The following CKMT1B variants were observed in gnomAD, a reference collection of about 807,000 sequenced individuals.
The protein encoded by CKMT1B is creatine kinase, mitochondrial 1B.
In CKMT1B, 13 loss-of-function variants were observed where a neutral mutation model predicts 21.8. The observed-to-expected ratio is 0.60, with a 90% CI of 0.39 to 0.95. The LOEUF (loss-of-function observed/expected upper bound fraction) is 0.95, where lower values mean the gene tolerates loss of function less well. CKMT1B is among the 40% of genes least tolerant of loss of function. The pLI is 0.00. For missense variants in CKMT1B, 157 were observed against 227.5 expected (o/e 0.69, Z 1.99); for synonymous variants, 50 against 80.3 (o/e 0.62, Z 2.02).
chr15:43,599,126 A>G, intron 8 of CKMT1B, 31 bp from the exon 9 acceptor site: 2 of 1,613,088 alleles, frequency 1.2e-6, no homozygotes, highest in Non-Finnish European at 1.7e-6. Context: ...CTCAGACTGT[A>G]GGAAGCAGAT....
In CKMT1B at chr15:43,599,332, GC is replaced by G; in HGVS notation, c.*62del. 1.2e-6 allele frequency: 2 copies of G among 1,612,982 alleles called. No individual in the cohort carries two copies. The highest frequency in any genetic ancestry group is 1.7e-6 in the Non-Finnish European group (2 of 1,179,412). ...AGGAGTTCTGCTCATTCTAATGATG[GC>G]CCATTCTACTTGCTCTGGACCTGCC... On this transcript the variant is annotated 3_prime_UTR_variant, in exon 9 of 9. Coordinates refer to ENST00000441322, the MANE Select transcript of CKMT1B (RefSeq NM_001375484.1).
chr15:43,597,587 C>A, intron 6 of CKMT1B: 2 of 990,754 alleles, frequency 2.0e-6, no homozygotes, highest in Non-Finnish European at 2.6e-6. Context: ...GACCATCATT[C>A]TGCTAGATCC....
rs777719791 is a variant in CKMT1B at position 43,599,236 on chromosome 15, T to G, written c.1217T>G (p.Ile406Ser). 5.0e-5 allele frequency: 80 copies of G among 1,613,492 alleles called. 2 individuals carry two copies. The highest frequency in any genetic ancestry group is 6.4e-5 in the Non-Finnish European group (76 of 1,179,832). Residue 406 changes from isoleucine to serine, a missense_variant, in exon 9 of 9, where the codon ATC becomes AGC. By Grantham distance (142) the Ile-to-Ser change is moderately radical. Transcript: ENST00000441322. ...CGGCGTCTGGAGAGAGGCCAGGATATCCGCATCCCCACACCTGTCATCCAC... is the reference window on the plus strand; with the variant it reads ...CGGCGTCTGGAGAGAGGCCAGGATAGCCGCATCCCCACACCTGTCATCCAC... ...CERRLERGQD[I>S]RIPTPVIHTK...
rs1353246536 is a variant in CKMT1B at position 43,599,269 on chromosome 15, A to G, written c.1250A>G (p.His417Arg). 5.0e-6 allele frequency: 8 copies of G among 1,613,542 alleles called. No individual in the cohort carries two copies. The highest frequency in any genetic ancestry group is 1.3e-5 in the African/African-American group (1 of 74,776). ...CCCACACCTGTCATCCACACCAAGC[A>G]TTAACTCCCCATCGCCAGCTGATGA... ...RIPTPVIHTK[H>R] The change falls in exon 9 of 9, where the codon CAT becomes CGT. Residue 417 changes from histidine to arginine, a missense_variant. By Grantham distance (29) the His-to-Arg change is conservative (BLOSUM62 0). Coordinates refer to ENST00000441322, the MANE Select transcript of CKMT1B (RefSeq NM_001375484.1).
intron 6 of CKMT1B, chr15:43,597,644 G>T (rs1403230461): frequency 6.6e-6 from 6 of 907,416 alleles, no homozygotes; most frequent in African/African-American, 3.9e-5. Flanking sequence ...ACATGGTTAA[G>T]TGAAGCCAAA....
chr15:43,598,946 A>G lies in CKMT1B; in HGVS notation c.1131A>G (p.Lys377=), dbSNP rs779073327. Reference sequence around the variant, plus strand: ...TTTCTAATTTGGACCGACTAGGCAAATCAGAGGTGAGATCCTAAGGGATTA... The same window carrying G: ...TTTCTAATTTGGACCGACTAGGCAAGTCAGAGGTGAGATCCTAAGGGATTA... ...FDISNLDRLG[K]SEVELVQLVI... The change falls in exon 8 of 9, where the codon AAA becomes AAG. Residue 377 remains lysine (K), a synonymous_variant. Coordinates refer to ENST00000441322, the MANE Select transcript of CKMT1B (RefSeq NM_001375484.1). 1 of 1,611,048 alleles carries G rather than the reference A, an allele frequency of 6.2e-7. No individual in the cohort carries two copies. Among genetic ancestry groups the G allele is most frequent in the Non-Finnish European group, 8.5e-7 (1 of 1,179,572 alleles).
rs747375039 is a variant in CKMT1B at position 43,598,193 on chromosome 15, G to T, written c.877G>T (p.Val293Leu). The T allele has an allele frequency of 5.2e-5, 84 of 1,608,826 alleles. 1 individual carries two copies. Among genetic ancestry groups the T allele is most frequent in the Non-Finnish European group, 7.0e-5 (83 of 1,179,742 alleles). The stretch of plus-strand genomic sequence containing the variant: ...GTTAACAAAACCTTTGTGGACTCAG[G>T]TGGAGAGACTTATCCAAGAACGTGG... ...FERFCRGLKE[V>L]ERLIQERGWE... is the part of the protein sequence containing the mutation. The change falls in exon 7 of 9, where the codon GTG (valine) becomes TTG (leucine). Residue 293 changes from valine (V) to leucine (L), a missense_variant and splice_region_variant. Val to Leu is a conservative substitution (Grantham distance 32, BLOSUM62 1). Coordinates refer to ENST00000441322, the MANE Select transcript of CKMT1B (RefSeq NM_001375484.1).
chr15:43,598,868 A>G lies in CKMT1B; in HGVS notation c.1053A>G (p.Gln351=), dbSNP rs371585335. The G allele has an allele frequency of 6.2e-7, 1 of 1,608,948 alleles. No homozygotes were observed. Among genetic ancestry groups the G allele is most frequent in the African/African-American group, 1.4e-5 (1 of 72,108 alleles). Reference sequence around the variant, plus strand: ...AGATCCTGGAGAACCTAAGACTCCAAAAACGTGGTACTGGAGGAGTGGACA... The same window carrying G: ...AGATCCTGGAGAACCTAAGACTCCAGAAACGTGGTACTGGAGGAGTGGACA... The part of the protein sequence containing the change: ...FPKILENLRL[Q]KRGTGGVDTA... The change falls in exon 8 of 9, where the codon CAA becomes CAG. Residue 351 remains glutamine, a synonymous_variant. Coordinates refer to ENST00000441322, the MANE Select transcript of CKMT1B (RefSeq NM_001375484.1).
chr15:43,596,218 G>A lies in CKMT1B; in HGVS notation c.678G>A (p.Leu226=). ...GTTACTCTTCCCAGGACCACTTTCT[G>A]TTTGATAAGCCTGTGTCCCCGTTGC... ...EQQQLIDDHF[L]FDKPVSPLLT... Residue 226 remains leucine, a synonymous_variant, in exon 5 of 9, where the codon CTG becomes CTA. Coordinates refer to ENST00000441322, the MANE Select transcript of CKMT1B (RefSeq NM_001375484.1). 1 of 516,766 alleles carries A rather than the reference G, an allele frequency of 1.9e-6. No individual in the cohort carries two copies. The allele number at this position is 516,766 out of a possible 1,614,324, so 32.0% of individuals were successfully genotyped here.
At position 43,596,495 on chromosome 15, in the gene CKMT1B, G is replaced by C; in HGVS notation, c.840G>C (p.Lys280Asn). Residue 280 changes from lysine to asparagine, a missense_variant, in exon 6 of 9, where the codon AAG (lysine) becomes AAC (asparagine). Transcript: ENST00000441322. ...VISMEKGGNM[K>N]RVFERFCRGL... The stretch of plus-strand genomic sequence containing the variant: ...CCATGGAGAAGGGTGGTAACATGAA[G>C]AGAGTGTTTGAAAGATTCTGCCGAG... The C allele has an allele frequency of 6.2e-7, 1 of 1,606,282 alleles. No homozygotes were observed. The highest frequency in any genetic ancestry group is 1.4e-5 in the African/African-American group (1 of 70,894).
In CKMT1B at chr15:43,599,228, C is replaced by A. The variant is rs144820945; in HGVS notation, c.1209C>A (p.Gly403=). 6.2e-7 allele frequency: 1 copy of A among 1,613,420 alleles called. No homozygotes were observed. Residue 403 remains glycine (G), a synonymous_variant, in exon 9 of 9, where the codon GGC becomes GGA. Coordinates refer to ENST00000441322, the MANE Select transcript of CKMT1B (RefSeq NM_001375484.1). The part of the protein sequence containing the change: ...LIDCERRLER[G]QDIRIPTPVI... ...ATTGTGAACGGCGTCTGGAGAGAGG[C>A]CAGGATATCCGCATCCCCACACCTG...
At position 43,598,899 on chromosome 15, in the gene CKMT1B, G is replaced by C; in HGVS notation, c.1084G>C (p.Ala362Pro). The change falls in exon 8 of 9, where the codon GCT (alanine) becomes CCT (proline). Residue 362 changes from alanine to proline, a missense_variant. By Grantham distance (27) the Ala-to-Pro change is conservative. Coordinates refer to ENST00000441322, the MANE Select transcript of CKMT1B (RefSeq NM_001375484.1). Reference protein sequence around the residue: ...KRGTGGVDTAATGGVFDISNL... With the variant: ...KRGTGGVDTAPTGGVFDISNL... ...TGGTACTGGAGGAGTGGACACTGCT[G>C]CTACAGGCGGTGTCTTTGATATTTC... 6.2e-7 allele frequency: 1 copy of C among 1,609,350 alleles called. No individual in the cohort carries two copies. The highest frequency in any genetic ancestry group is 8.5e-7 in the Non-Finnish European group (1 of 1,179,594).
intron 7 of CKMT1B, 67 bp from the exon 8 acceptor site, chr15:43,598,760 G>A: frequency 1.3e-6 from 2 of 1,515,836 alleles, no homozygotes; most frequent in Non-Finnish European, 1.8e-6. Flanking sequence ...GCAGGTTCAG[G>A]GCTCTTTCAG....
intron 6 of CKMT1B, 32 bp downstream of exon 6, chr15:43,596,563 G>T (rs555737933): frequency 6.2e-7 from 1 of 1,607,964 alleles, no homozygotes; most frequent in Non-Finnish European, 8.5e-7. Flanking sequence ...GAGCTAGGTG[G>T]GAGGACATAA....
At position 43,597,533 on chromosome 15, in the gene CKMT1B, C is replaced by T. The variant is rs570562100; in HGVS notation, c.877-660C>T. On this transcript the variant is annotated intron_variant, in intron 6 of 8. Transcript: ENST00000441322. ...CCCCTATGGCATGGTTCCTTCTGAA[C>T]TATAAAGAGGATCCCTTTACTCATG... is the stretch of plus-strand genomic sequence containing the variant. 1.7e-4 allele frequency: 199 copies of T among 1,182,216 alleles called. 2 individuals carry two copies. Among genetic ancestry groups the T allele is most frequent in the Admixed American group, 3.2e-4 (10 of 31,642 alleles). The allele number at this position is 1,182,216 out of a possible 1,614,324, so 73.2% of individuals were successfully genotyped here.
Position 43,596,295 on chromosome 15 carries a change from A to G in CKMT1B, c.752+3A>G. ...TGGCCAGATGCTCGTGGAATTTGGTATGAAGCTGCTCATTACCTCTTTTGT... is the reference window on the plus strand; with the variant it reads ...TGGCCAGATGCTCGTGGAATTTGGTGTGAAGCTGCTCATTACCTCTTTTGT... On this transcript the variant is annotated splice_donor_region_variant and intron_variant, in intron 5 of 8. Transcript: ENST00000441322. 1 of 836,802 alleles carries G rather than the reference A, an allele frequency of 1.2e-6. No individual in the cohort carries two copies. The highest frequency in any genetic ancestry group is 1.8e-6 in the Non-Finnish European group (1 of 566,526). 51.8% of individuals were successfully genotyped at this position (836,802 alleles called of 1,614,324 possible).
At position 43,598,813 on chromosome 15, in the gene CKMT1B, T is replaced by C; in HGVS notation, c.1012-14T>C. On this transcript the variant is annotated splice_polypyrimidine_tract_variant and intron_variant, in intron 7 of 8. Coordinates refer to ENST00000441322, the MANE Select transcript of CKMT1B (RefSeq NM_001375484.1). Reference sequence around the variant, plus strand: ...CTCTATTGACCCTGCTCCCAATCCCTATCTCCTCTCTAGGATAGCCGCTTC... The same window carrying C: ...CTCTATTGACCCTGCTCCCAATCCCCATCTCCTCTCTAGGATAGCCGCTTC... 1 of 1,600,314 alleles carries C rather than the reference T, an allele frequency of 6.2e-7. No individual in the cohort carries two copies. The highest frequency in any genetic ancestry group is 8.5e-7 in the Non-Finnish European group (1 of 1,175,340).
Position 43,599,062 on chromosome 15 carries a change from G to C in CKMT1B, c.1138-95G>C, listed in dbSNP as rs557250810. The C allele has an allele frequency of 2.3e-5, 36 of 1,575,998 alleles. No individual in the cohort carries two copies. The East Asian group carries it at 8.1e-4, about 36-fold the overall frequency. On this transcript the variant is annotated intron_variant, in intron 8 of 8. Coordinates refer to ENST00000441322, the MANE Select transcript of CKMT1B (RefSeq NM_001375484.1). ...GATAATCTGAAATGAAATTCAGGTTGAGTGGGGAGGCAATTGGAAATGAGC... is the reference window on the plus strand; with the variant it reads ...GATAATCTGAAATGAAATTCAGGTTCAGTGGGGAGGCAATTGGAAATGAGC...
In CKMT1B at chr15:43,598,432, A is replaced by G. The variant is rs2085615865; in HGVS notation, c.1011+105A>G. The G allele has an allele frequency of 3.2e-6, 5 of 1,543,444 alleles. No individual in the cohort carries two copies. The Admixed American group carries it at 7.0e-5, about 22-fold the overall frequency. ...AAGGAGCCAAACATGTTGTGGCTAA[A>G]GGGTCAGAGGACAGGCCAGGCACAG... On this transcript the variant is annotated intron_variant, in intron 7 of 8. Transcript: ENST00000441322.
Sources: gnomAD v4.1 joint callset for allele counts on GRCh38, gnomAD v4.1.1 for gene constraint, MANE v1.5 for transcripts, NCBI Gene and HGNC (gene_info 2026-07-23, HGNC 2026-07-21) for gene names.